The following CREG1 variants were observed in gnomAD, a reference collection of about 807,000 sequenced individuals.
CREG1 encodes the protein cellular repressor of E1A stimulated genes 1.
In CREG1, 20 loss-of-function variants were observed where a neutral mutation model predicts 19.9. That is an observed-to-expected ratio of 1.01 (90% confidence interval 0.71 to 1.46). CREG1 has a LOEUF of 1.46. Among genes scored for constraint, CREG1 ranks in the 40% most tolerant of loss-of-function variants. The probability of loss-of-function intolerance (pLI) is 0.00; values close to 1 mark genes in which losing one functional copy is unlikely to be tolerated. For synonymous variants in CREG1, 141 were observed against 143.3 expected, an observed-to-expected ratio of 0.98 and a Z score of 0.12; for missense variants, 290 against 314.9, an observed-to-expected ratio of 0.92 and a Z score of 0.60.
rs1656473809 is a variant in CREG1, at chr1:167,553,718, G to A, written c.24C>T (p.Ser8=). The A allele has an allele frequency of 7.7e-6, 10 of 1,292,258 alleles. No individual in the cohort carries two copies. Among genetic ancestry groups the A allele is most frequent in the Admixed American group, 4.2e-5 (1 of 23,916 alleles). 80.0% of individuals were successfully genotyped at this position (1,292,258 alleles called of 1,614,324 possible). ...GCAGGGCGGCGAGCAGTGCGCGCGCGGACCCGCGGGATAGCCCGGCCATGG... is the reference window on the plus strand; with the variant it reads ...GCAGGGCGGCGAGCAGTGCGCGCGCAGACCCGCGGGATAGCCCGGCCATGG... MAGLSRG[S]ARALLAALLA... Residue 8 remains serine (S), a synonymous_variant, in exon 1 of 4, where the codon TCC becomes TCT. Transcript: ENST00000370509.
At chr1:167,552,122 T>C (rs757612565) in intron 1 of CREG1, among the ~76,000 whole-genome samples, 8 of 152,202 alleles carry the variant, frequency 5.3e-5, no homozygotes, top group Non-Finnish European at 8.8e-5. Flanking sequence ...GATAGGTGGT[T>C]TGAAGAAAGA....
At chr1:167,544,876 T>C (rs1656290117) in intron 3 of CREG1, among the ~76,000 whole-genome samples, 1 of 152,194 alleles carries the variant, frequency 6.6e-6, no homozygotes. Context: ...TTATTGTTAC[T>C]GTTCTTATCA....
Position 167,547,996 on chromosome 1 carries a change from A to T in CREG1, c.474+6T>A. ...CCATCTCCCTTCCTGTAGGATAACT[A>T]CTTACCTTGGTCACAGTTCCTGACA... On this transcript the variant is annotated splice_donor_region_variant and intron_variant, in intron 2 of 3. Transcript: ENST00000370509. 6.2e-7 allele frequency: 1 copy of T among 1,608,478 alleles called. No homozygotes were observed. The highest frequency in any genetic ancestry group is 1.1e-5 in the South Asian group (1 of 90,964).
At chr1:167,545,733 T>C (rs924487960) in intron 3 of CREG1, among the ~76,000 whole-genome samples, 1 of 151,768 alleles carries the variant, frequency 6.6e-6, no homozygotes, top group African/African-American at 2.4e-5. Flanking sequence ...TTGAACCCAG[T>C]AGGTGGAGGC....
intron 1 of CREG1, among the ~76,000 whole-genome samples, chr1:167,550,273 G>A (rs1395245938): frequency 2.6e-5 from 4 of 152,140 alleles, no homozygotes; most frequent in Non-Finnish European, 5.9e-5. Context: ...ACAGGCTGGA[G>A]CCTCCGCACC....
rs1194283247 is a variant in CREG1, at chr1:167,553,539, C to G, written c.203G>C (p.Trp68Ser). The change falls in exon 1 of 4, where the codon TGG becomes TCG. Residue 68 changes from tryptophan (W) to serine (S), a missense_variant. By Grantham distance (177) the Trp-to-Ser change is radical. Coordinates refer to ENST00000370509, the MANE Select transcript of CREG1 (RefSeq NM_003851.3). Reference protein sequence around the residue: ...VARFVTHVSDWGALATISTLE... With the variant: ...VARFVTHVSDSGALATISTLE... Reference sequence around the variant, plus strand: ...CGTGGAGATGGTGGCCAGAGCGCCCCAGTCGGAGACGTGCGTCACGAAGCG... The same window carrying G: ...CGTGGAGATGGTGGCCAGAGCGCCCGAGTCGGAGACGTGCGTCACGAAGCG... 2.0e-6 allele frequency: 3 copies of G among 1,477,032 alleles called. No homozygotes were observed. The highest frequency in any genetic ancestry group is 2.7e-6 in the Non-Finnish European group (3 of 1,121,098). The allele number at this position is 1,477,032 out of a possible 1,614,324, so 91.5% of individuals were successfully genotyped here. A position where few individuals can be genotyped will look rare whatever the true frequency, so the allele number is the denominator to read the frequency against.
Position 167,553,616 on chromosome 1 carries a change from C to T in CREG1, c.126G>A (p.Glu42=), listed in dbSNP as rs1656469411. ...RGGRDHGDWD[E]ASRLPPLPPR... ...GTGGTAGCGGCGGCAGCCGGGAGGC[C>T]TCGTCCCAGTCCCCGTGGTCCCGGC... The change falls in exon 1 of 4, where the codon GAG becomes GAA. Residue 42 remains glutamate, a synonymous_variant. Coordinates refer to ENST00000370509, the MANE Select transcript of CREG1 (RefSeq NM_003851.3). 7.1e-7 allele frequency: 1 copy of T among 1,405,550 alleles called. No individual in the cohort carries two copies. Among genetic ancestry groups the T allele is most frequent in the Non-Finnish European group, 9.2e-7 (1 of 1,084,438 alleles). The allele number at this position is 1,405,550 out of a possible 1,614,324, so 87.1% of individuals were successfully genotyped here.
chr1:167,542,109 C>T lies in CREG1; in HGVS notation c.*189G>A. ...GGAAAAAAGTAGCTACCACATCTTC[C>T]AGGAAATCCAATAACAGGTCAACTC... On this transcript the variant is annotated 3_prime_UTR_variant, in exon 4 of 4. Transcript: ENST00000370509. The T allele has an allele frequency of 2.0e-6, 1 of 496,662 alleles. No individual in the cohort carries two copies. 30.8% of individuals were successfully genotyped at this position (496,662 alleles called of 1,614,324 possible).
intron 1 of CREG1, 129 bp downstream of exon 1, chr1:167,553,259 C>A: frequency 2.8e-6 from 2 of 723,990 alleles, no homozygotes; most frequent in Non-Finnish European, 4.0e-6. Context: ...TACCTGCCTG[C>A]GCGGCAGAGA....
chr1:167,547,966 T>C (rs770999869), intron 2 of CREG1, 36 bp downstream of exon 2: 7 of 1,592,412 alleles, frequency 4.4e-6, no homozygotes, highest in South Asian at 1.1e-5. Context: ...GATGGTGTTC[T>C]GAAACCATCT....
At chr1:167,549,546 A>C (rs1245184144) in intron 1 of CREG1, among the ~76,000 whole-genome samples, 1 of 151,934 alleles carries the variant, frequency 6.6e-6, no homozygotes, top group Non-Finnish European at 1.5e-5. Context: ...CACCACGCCC[A>C]GCTGATTTTT....
At chr1:167,543,681 G>A (rs1312739441) in intron 3 of CREG1, among the ~76,000 whole-genome samples, 1 of 152,220 alleles carries the variant, frequency 6.6e-6, no homozygotes. Context: ...TAGACTCGGA[G>A]ATGGACAATT....
chr1:167,548,691 T>C (rs1301544907), intron 1 of CREG1, among the ~76,000 whole-genome samples: 1 of 152,268 alleles, frequency 6.6e-6, no homozygotes, highest in Admixed American at 6.5e-5. Context: ...TTCTTAATGC[T>C]TTCTTATTCA....
chr1:167,548,967 T>C (rs1350049872), intron 1 of CREG1, among the ~76,000 whole-genome samples: 3 of 152,060 alleles, frequency 2.0e-5, no homozygotes, highest in Admixed American at 2.0e-4. Flanking sequence ...CCTCCGTGAG[T>C]TTATAATCTG....
intron 1 of CREG1, among the ~76,000 whole-genome samples, chr1:167,549,759 A>G (rs1056040430): frequency 6.6e-6 from 1 of 152,036 alleles, no homozygotes; most frequent in Admixed American, 6.6e-5. Flanking sequence ...ATCATGGCTC[A>G]TTGTGGCCTC....
intron 3 of CREG1, among the ~76,000 whole-genome samples, chr1:167,542,987 C>T (rs2102148221): frequency 6.6e-6 from 1 of 152,280 alleles, no homozygotes; most frequent in South Asian, 2.1e-4. Context: ...GTGGCTCACA[C>T]CTATAATCCC....
At chr1:167,548,144 C>A (rs1339124412) in intron 1 of CREG1, 23 bp from the exon 2 acceptor site, 1 of 1,571,936 alleles carries the variant, frequency 6.4e-7, no homozygotes, top group African/African-American at 1.3e-5. Context: ...AATGAAGATC[C>A]TCTCATGTGA....
intron 3 of CREG1, among the ~76,000 whole-genome samples, chr1:167,545,736 G>A (rs935829748): frequency 6.6e-6 from 1 of 152,060 alleles, no homozygotes; most frequent in African/African-American, 2.4e-5. Flanking sequence ...AACCCAGTAG[G>A]TGGAGGCTGC....
chr1:167,546,924 A>G (rs1163032801), intron 2 of CREG1, among the ~76,000 whole-genome samples: 1 of 152,272 alleles, frequency 6.6e-6, no homozygotes, highest in African/African-American at 2.4e-5. Flanking sequence ...AATGTTTAGC[A>G]TATTTATCCC....
Sources: allele counts gnomAD v4.1 joint callset (sites outside exome capture counted in the v4.1 genomes callset), GRCh38; gene constraint gnomAD v4.1.1; transcripts MANE v1.5; gene names NCBI Gene and HGNC (gene_info 2026-07-23, HGNC 2026-07-21).